Variants in HAAO observed in about 807,000 individuals in gnomAD.
The protein encoded by HAAO is 3-hydroxyanthranilate 3,4-dioxygenase, also known as 3-hydroxyanthranilate oxygenase.
Under a neutral mutation model 46.2 loss-of-function variants are expected in HAAO, and 49 were observed. The ratio of observed to expected loss-of-function variants is 1.06; its 90% CI spans 0.84 to 1.34. The LOEUF (loss-of-function observed/expected upper bound fraction) is 1.34, where lower values mean the gene tolerates loss of function less well. Among genes scored for constraint, HAAO ranks in the 40% most tolerant of loss-of-function variants. HAAO has a pLI of 0.00. For missense variants in HAAO, 408 were observed against 364.5 expected (o/e 1.12, Z -0.97); for synonymous variants, 157 against 145.2 (o/e 1.08, Z -0.58).
In HAAO at chr2:42,769,569, A is replaced by ATGTGTGTG. The variant is rs35746707; in HGVS notation, c.630+136_630+143dup. 2.6e-3 allele frequency: 1,531 copies of ATGTGTGTG among 588,468 alleles called. 2 individuals are homozygous for ATGTGTGTG. Among genetic ancestry groups the ATGTGTGTG allele is most frequent in the Non-Finnish European group, 3.5e-3 (1,205 of 345,982 alleles). The allele number at this position is 588,468 out of a possible 1,614,324, so 36.5% of individuals were successfully genotyped here. On this transcript the variant is annotated intron_variant, in intron 7 of 9. Transcript: ENST00000294973. ...TATGCTCATGTCTACAACCTCTGAA[A>ATGTGTGTG]TGTGTGTGTGTGTGTGTGTGTGTGT...
chr2:42,786,009 C>CTCTGTGTGTGTG (rs1372722035), intron 2 of HAAO, among the ~76,000 whole-genome samples: 2 of 106,090 alleles, frequency 1.9e-5, no homozygotes, highest in Non-Finnish European at 3.7e-5. Context: ...GAGGAAGCCT[C>CTCTGTGTGTGTG]TGTGTGTGTG....
chr2:42,770,261 ACACT>A, intron 5 of HAAO, 75 bp from the exon 6 acceptor site: 4 of 1,262,880 alleles, frequency 3.2e-6, no homozygotes, highest in Non-Finnish European at 4.5e-6. Flanking sequence ...CACATACACC[ACACT>A]CACGGTCAGG....
intron 4 of HAAO, among the ~76,000 whole-genome samples, chr2:42,772,849 AT>A (rs1290767298): frequency 1.3e-5 from 2 of 149,320 alleles, no homozygotes; most frequent in East Asian, 2.0e-4. Flanking sequence ...GGAAACTTGA[AT>A]TTTTTTTAGT....
chr2:42,785,791 A>G (rs1473751867), intron 2 of HAAO, among the ~76,000 whole-genome samples: 3 of 152,102 alleles, frequency 2.0e-5, no homozygotes, highest in African/African-American at 2.4e-5. Flanking sequence ...GAGCCCCAGA[A>G]GTTGAGGCTG....
At chr2:42,772,933 C>CAAA (rs530541628) in intron 4 of HAAO, among the ~76,000 whole-genome samples, 37 of 92,454 alleles carry the variant, frequency 4.0e-4, no homozygotes, top group African/African-American at 1.3e-3. Context: ...GCCCCCATAT[C>CAAA]AAAAAAAAAA....
At chr2:42,786,192 ATATTGTCTC>A (rs1672373629) in intron 2 of HAAO, among the ~76,000 whole-genome samples, 2 of 151,996 alleles carry the variant, frequency 1.3e-5, no homozygotes, top group South Asian at 4.1e-4. Context: ...AGGCTATACG[ATATTGTCTC>A]TATTTTCTCG....
chr2:42,768,508 C>T (rs568299894), intron 7 of HAAO, among the ~76,000 whole-genome samples: 1 of 152,246 alleles, frequency 6.6e-6, no homozygotes, highest in South Asian at 2.1e-4. Context: ...CGCATGTTCT[C>T]GCAGCCCTGT....
intron 1 of HAAO, among the ~76,000 whole-genome samples, chr2:42,791,259 T>C (rs535822593): frequency 2.6e-5 from 4 of 152,170 alleles, no homozygotes; most frequent in African/African-American, 9.6e-5. Flanking sequence ...GTGGGCGTGG[T>C]ACAGCAGAAG....
chr2:42,780,663 AAAGT>A (rs1360315149), intron 4 of HAAO, among the ~76,000 whole-genome samples: 4 of 152,114 alleles, frequency 2.6e-5, no homozygotes, highest in African/African-American at 9.7e-5. Context: ...ATAGAAGACT[AAAGT>A]AATCTTTTTT....
intron 6 of HAAO, 37 bp from the exon 7 acceptor site, chr2:42,769,895 G>C: frequency 6.4e-7 from 1 of 1,565,986 alleles, no homozygotes; most frequent in East Asian, 2.2e-5. Flanking sequence ...GTGTCCTCAG[G>C]ACCCAGCCCA....
At chr2:42,789,570 A>G (rs1394174947) in intron 1 of HAAO, among the ~76,000 whole-genome samples, 2 of 6,930 alleles carry the variant, frequency 2.9e-4, no homozygotes, top group Non-Finnish European at 4.6e-4. Context: ...CTCTGTCTTA[A>G]ATAAATAAAT....
intron 1 of HAAO, among the ~76,000 whole-genome samples, chr2:42,791,695 C>A (rs1672812233): frequency 6.6e-6 from 1 of 152,110 alleles, no homozygotes; most frequent in Non-Finnish European, 1.5e-5. Context: ...CCTTGAGGTG[C>A]CACCCTACTG....
intron 1 of HAAO, chr2:42,788,987 C>T (rs1558677229): frequency 7.5e-6 from 2 of 266,534 alleles, no homozygotes; most frequent in Non-Finnish European, 1.5e-5. Context: ...AGGGGCAAAA[C>T]GACCTTGACC....
In HAAO at chr2:42,768,517, G is replaced by T. The variant is rs1049611826; in HGVS notation, c.631-589C>A. On this transcript the variant is annotated intron_variant, in intron 7 of 9. Coordinates refer to ENST00000294973, the MANE Select transcript of HAAO (RefSeq NM_012205.3). ...CATGTGCGCATGTTCTCGCAGCCCT[G>T]TGTAAGCTCAGGACGTCCCTGGTAC... 2.0e-5 allele frequency among the ~76,000 whole-genome samples: 3 copies of T among 152,176 alleles called. No homozygotes were observed. In the East Asian group the frequency reaches 5.8e-4, roughly 29 times the overall value.
chr2:42,784,512 T>TGGGGGGGGGGGGGGGGG (rs1672246186), intron 2 of HAAO, among the ~76,000 whole-genome samples: 1 of 3,852 alleles, frequency 2.6e-4, no homozygotes, highest in African/African-American at 1.3e-3. Context: ...TGTGCTCTCC[T>TGGGGGGGGGGGGGGGGG]GGGGGTGGGG....
chr2:42,769,768 C>T lies in HAAO; in HGVS notation c.575G>A (p.Arg192Lys), dbSNP rs1326843080. 5 of 1,613,948 alleles carry T rather than the reference C, an allele frequency of 3.1e-6. No homozygotes were observed. The highest frequency in any genetic ancestry group is 1.3e-5 in the African/African-American group (1 of 74,924). Reference sequence around the variant, plus strand: ...GAGTGGTGTGCCTGCCTGCAGCTCCCTGTGGTGGCTGTCCAGCCAGGCATC... The same window carrying T: ...GAGTGGTGTGCCTGCCTGCAGCTCCTTGTGGTGGCTGTCCAGCCAGGCATC... ...SLDAWLDSHHRELQAGTPLSL... is the reference protein window; with the variant it reads ...SLDAWLDSHHKELQAGTPLSL... The change falls in exon 7 of 10, where the codon AGG becomes AAG. Residue 192 changes from arginine to lysine, a missense_variant. Coordinates refer to ENST00000294973, the MANE Select transcript of HAAO (RefSeq NM_012205.3).
Position 42,767,458 on chromosome 2 carries a change from G to C in HAAO, c.840C>G (p.Ala280=), listed in dbSNP as rs763230709. Residue 280 remains alanine, a synonymous_variant, in exon 10 of 10, where the codon GCC becomes GCG. Transcript: ENST00000294973. Reference sequence around the variant, plus strand: ...AGGGTCACCCCAGGGGCTTCTTGCAGGCAGGGTCCTGGGTCACAGACAGGG... The same window carrying C: ...AGGGTCACCCCAGGGGCTTCTTGCACGCAGGGTCCTGGGTCACAGACAGGG... ...SVALSVTQDP[A]CKKPLG 8 of 1,613,038 alleles carry C rather than the reference G, an allele frequency of 5.0e-6. No homozygotes were observed. The Admixed American group carries it at 1.3e-4, about 27-fold the overall frequency.
At chr2:42,784,645 C>T (rs1672263929) in intron 2 of HAAO, among the ~76,000 whole-genome samples, 4 of 152,068 alleles carry the variant, frequency 2.6e-5, no homozygotes, top group Admixed American at 2.6e-4. Context: ...CCGGTTTTCT[C>T]TCCACCAGTC....
At chr2:42,783,081 G>A in intron 4 of HAAO, 1 of 567,646 alleles carries the variant, frequency 1.8e-6, no homozygotes, top group East Asian at 3.0e-5. Context: ...AAGTTCATCA[G>A]GCTGAGTGAG....
Sources: allele counts gnomAD v4.1 joint callset (sites outside exome capture counted in the v4.1 genomes callset), GRCh38; gene constraint gnomAD v4.1.1; transcripts MANE v1.5; gene names NCBI Gene and HGNC (gene_info 2026-07-23, HGNC 2026-07-21).